TTC3: variants seen among roughly 807,000 people sequenced by gnomAD.
TTC3 encodes tetratricopeptide repeat domain 3.
A neutral mutation model predicts 249.6 loss-of-function variants in TTC3; 180 were observed. The observed-to-expected ratio is 0.72, with a 90% CI of 0.64 to 0.82. The LOEUF (loss-of-function observed/expected upper bound fraction) is 0.82, where lower values mean the gene tolerates loss of function less well. Ranked by LOEUF, TTC3 falls within the 40% of genes least tolerant of loss-of-function variation. The pLI, the probability that TTC3 is intolerant of heterozygous loss-of-function variation, is 0.00. For synonymous variants in TTC3, 717 were observed against 805.0 expected, an observed-to-expected ratio of 0.89 and a Z score of 1.85; for missense variants, 2,061 against 2,398.4, an observed-to-expected ratio of 0.86 and a Z score of 2.94.
chr21:37,172,327 C>T (rs1037345857), intron 34 of TTC3, among the ~76,000 whole-genome samples: 2 of 151,872 alleles, frequency 1.3e-5, no homozygotes, highest in Admixed American at 1.3e-4. Context: ...GGTATTGAAC[C>T]CTTCTAAAGC....
At chr21:37,100,487 G>A (rs2074370217) in intron 10 of TTC3, among the ~76,000 whole-genome samples, 3 of 148,704 alleles carry the variant, frequency 2.0e-5, no homozygotes, top group Admixed American at 1.4e-4. Flanking sequence ...CCTGAGGTGA[G>A]GTATATATGG....
In TTC3 at chr21:37,188,382, T is replaced by A. The variant is rs981931904; in HGVS notation, c.4924-113T>A. The A allele has an allele frequency of 4.2e-5, 29 of 696,540 alleles. 1 individual carries two copies. Among genetic ancestry groups the A allele is most frequent in the Middle Eastern group, 3.5e-4 (1 of 2,864 alleles). 43.1% of individuals were successfully genotyped at this position (696,540 alleles called of 1,614,324 possible). ...CAATCAAGTTCTGATGATTCTGTCA[T>A]GCTTCATTTAAGGAGAAATGGGAAA... is the stretch of plus-strand genomic sequence containing the variant. On this transcript the variant is annotated intron_variant, in intron 38 of 45. Transcript: ENST00000355666.
At chr21:37,119,895 A>G (rs1402548224) in intron 11 of TTC3, among the ~76,000 whole-genome samples, 1 of 152,130 alleles carries the variant, frequency 6.6e-6, no homozygotes, top group East Asian at 1.9e-4. Context: ...CTGCAAACTG[A>G]TGTCATGAGT....
At chr21:37,078,384 G>T (rs2071185020) in intron 1 of TTC3, among the ~76,000 whole-genome samples, 1 of 151,926 alleles carries the variant, frequency 6.6e-6, no homozygotes, top group Admixed American at 6.6e-5. Context: ...AATCAGTTTG[G>T]GGGAGAATCG....
At chr21:37,079,869 G>T (rs2071401432) in intron 1 of TTC3, among the ~76,000 whole-genome samples, 2 of 151,982 alleles carry the variant, frequency 1.3e-5, no homozygotes, top group African/African-American at 4.8e-5. Context: ...TGTTTTATTT[G>T]TATATGTGTT....
At position 37,167,536 on chromosome 21, in the gene TTC3, T is replaced by A. The variant is rs2000414; in HGVS notation, c.4402-19T>A. On this transcript the variant is annotated intron_variant, in intron 33 of 45. Transcript: ENST00000355666. ...AGCGATTGAGATAAAGTGAATTTTA[T>A]TTTTTGTTTTGCCCACAGGTATCTT... The A allele has an allele frequency of 6.7e-7, 1 of 1,492,948 alleles. No homozygotes were observed. The highest frequency in any genetic ancestry group is 9.1e-7 in the Non-Finnish European group (1 of 1,104,054). The allele number at this position is 1,492,948 out of a possible 1,614,324, so 92.5% of individuals were successfully genotyped here.
chr21:37,192,545 T>C (rs990969354), intron 41 of TTC3, among the ~76,000 whole-genome samples: 1 of 150,850 alleles, frequency 6.6e-6, no homozygotes, highest in Non-Finnish European at 1.5e-5. Flanking sequence ...TTCCTGACTT[T>C]GAACAAATAA....
chr21:37,111,657 A>G (rs2075672455), intron 11 of TTC3, among the ~76,000 whole-genome samples: 1 of 152,178 alleles, frequency 6.6e-6, no homozygotes, highest in Non-Finnish European at 1.5e-5. Context: ...GAAAATTAAC[A>G]AGGATATCCA....
chr21:37,187,948 G>A (rs2083488777), intron 38 of TTC3: 1 of 152,184 alleles, frequency 6.6e-6, no homozygotes. Flanking sequence ...CTGACACCTG[G>A]ATTAAAAGGC....
intron 19 of TTC3, among the ~76,000 whole-genome samples, chr21:37,139,823 G>A (rs1030695604): frequency 3.9e-5 from 6 of 152,022 alleles, no homozygotes; most frequent in African/African-American, 1.4e-4. Context: ...AAAAAAATGT[G>A]TTATAGTAGA....
chr21:37,152,172 G>T (rs1325131895), intron 26 of TTC3, 143 bp downstream of exon 26: 22 of 1,019,728 alleles, frequency 2.2e-5, no homozygotes, highest in African/African-American at 3.3e-5. Context: ...ACTGTCTTCT[G>T]TTACTCGAAG....
At chr21:37,124,395 G>A (rs991960357) in intron 13 of TTC3, among the ~76,000 whole-genome samples, 2 of 152,128 alleles carry the variant, frequency 1.3e-5, no homozygotes, top group East Asian at 3.9e-4. Flanking sequence ...GGAATTACAG[G>A]CGTGAACCAC....
intron 11 of TTC3, among the ~76,000 whole-genome samples, chr21:37,111,838 T>C (rs559959340): frequency 6.6e-6 from 1 of 152,150 alleles, no homozygotes; most frequent in African/African-American, 2.4e-5. Context: ...ACAGAAATTA[T>C]AACAAACTGT....
chr21:37,100,586 G>T (rs1319311754), intron 10 of TTC3, among the ~76,000 whole-genome samples: 1 of 152,122 alleles, frequency 6.6e-6, no homozygotes, highest in African/African-American at 2.4e-5. Context: ...CCACTTTTGG[G>T]TGAATATAAG....
chr21:37,162,372 C>T (rs937714206), intron 31 of TTC3, among the ~76,000 whole-genome samples: 1 of 151,782 alleles, frequency 6.6e-6, no homozygotes, highest in African/African-American at 2.4e-5. Flanking sequence ...AGAAATTATT[C>T]TTTAAAATAG....
intron 28 of TTC3, 39 bp from the exon 29 acceptor site, chr21:37,159,660 A>G (rs954593220): frequency 1.9e-6 from 3 of 1,599,202 alleles, no homozygotes; most frequent in African/African-American, 1.3e-5. Context: ...AAATGTAAAT[A>G]TTTAGTTTTC....
intron 12 of TTC3, 123 bp from the exon 13 acceptor site, chr21:37,122,860 T>C (rs1409323036): frequency 1.3e-5 from 13 of 981,976 alleles, no homozygotes; most frequent in Non-Finnish European, 1.9e-5. Flanking sequence ...TGCTTAGATT[T>C]ACTTTTCAGT....
At chr21:37,157,108 A>G in intron 28 of TTC3, 1 of 1,405,224 alleles carries the variant, frequency 7.1e-7, no homozygotes, top group Non-Finnish European at 9.6e-7. Context: ...TTAAAGAGAT[A>G]CTCAAATGTA....
rs1388042759 is a variant in TTC3 at position 37,182,824 on chromosome 21, TA to T, written c.4674del (p.Lys1558AsnfsTer13). On this transcript the variant is annotated frameshift_variant, in exon 36 of 46. Coordinates refer to ENST00000355666, the Ensembl canonical transcript of TTC3. LOFTEE classifies it high-confidence loss of function. ...TCCTTCAAGATTTGGAAAGAGAAAT[TA>T]AAAAATGGCAACAGGAAAAAAAAGA... is the stretch of plus-strand genomic sequence containing the variant. The T allele has an allele frequency of 6.3e-7, 1 of 1,593,572 alleles. No individual in the cohort carries two copies. Among genetic ancestry groups the T allele is most frequent in the Admixed American group, 1.8e-5 (1 of 55,592 alleles).
Sources: gnomAD v4.1 joint callset for allele counts (sites outside exome capture counted in the v4.1 genomes callset) on GRCh38, gnomAD v4.1.1 for gene constraint, MANE v1.5 for transcripts, NCBI Gene and HGNC (gene_info 2026-07-23, HGNC 2026-07-21) for gene names.